CEP170: variants seen among roughly 807,000 people sequenced by gnomAD.
CEP170 encodes centrosomal protein 170, also known as centrosomal protein of 170 kDa.
In CEP170, 21 loss-of-function variants were observed where a neutral mutation model predicts 151.9. The ratio of observed to expected loss-of-function variants is 0.14; its 90% CI spans 0.10 to 0.20. The LOEUF is 0.20. Among genes scored for constraint, CEP170 ranks in the 10% least tolerant of loss-of-function variants. The pLI, the probability that CEP170 is intolerant of heterozygous loss-of-function variation, is 1.00. For missense variants in CEP170, 964 were observed against 1,892.9 expected, an observed-to-expected ratio of 0.51 and a Z score of 9.11; for synonymous variants, 356 against 648.8, an observed-to-expected ratio of 0.55 and a Z score of 6.86.
rs764219983 is a variant in CEP170, at chr1:243,225,249, C to T, written c.32G>A (p.Ser11Asn). 1.7e-5 allele frequency: 27 copies of T among 1,596,096 alleles called. No individual in the cohort carries two copies. Among genetic ancestry groups the T allele is most frequent in the Non-Finnish European group, 2.3e-5 (27 of 1,172,218 alleles). The change falls in exon 2 of 20, where the codon AGT becomes AAT. Residue 11 changes from serine to asparagine, a missense_variant. Physicochemically the swap from Ser to Asn is conservative, Grantham distance 46. Coordinates refer to ENST00000366542, the MANE Select transcript of CEP170 (RefSeq NM_014812.3). MSLTSWFLVS[S>N]GGTRHRLPRE... is the part of the protein sequence containing the mutation. ...TGGCAGCCTGTGGCGAGTGCCTCCA[C>T]TGCTCACCAAAAACCAGGATGTTAA...
chr1:243,166,698 T>C (rs1314812708), intron 12 of CEP170: 2 of 152,292 alleles, frequency 1.3e-5, no homozygotes, highest in African/African-American at 2.4e-5. Context: ...TTGTATGAGA[T>C]GAAAATTAGA....
chr1:243,149,868 G>A (rs866181677), intron 14 of CEP170, among the ~76,000 whole-genome samples: 1 of 151,842 alleles, frequency 6.6e-6, no homozygotes, highest in Non-Finnish European at 1.5e-5. Flanking sequence ...AAAGCACAAA[G>A]CTTTTAATAA....
chr1:243,175,674 C>T (rs2059182382), intron 10 of CEP170, among the ~76,000 whole-genome samples: 1 of 152,198 alleles, frequency 6.6e-6, no homozygotes, highest in Non-Finnish European at 1.5e-5. Flanking sequence ...GTTCTCTCAC[C>T]TTTCATTTTA....
At chr1:243,174,814 A>G (rs549910351) in intron 10 of CEP170, among the ~76,000 whole-genome samples, 33 of 152,376 alleles carry the variant, frequency 2.2e-4, no homozygotes, top group African/African-American at 7.9e-4. Flanking sequence ...AAACCAGAGT[A>G]TAACCTGTGT....
intron 1 of CEP170, among the ~76,000 whole-genome samples, chr1:243,238,816 T>C (rs182468386): frequency 1.1e-3 from 166 of 152,370 alleles, no homozygotes; most frequent in Middle Eastern, 0.01. Context: ...CGGTTCATGG[T>C]TGAAAATGTC....
At chr1:243,141,840 TTATGTG>T (rs2055869972) in intron 15 of CEP170, among the ~76,000 whole-genome samples, 1 of 152,226 alleles carries the variant, frequency 6.6e-6, no homozygotes, top group African/African-American at 2.4e-5. Flanking sequence ...CAAAATATCT[TTATGTG>T]TATGTGTTTG....
rs145444307 is a variant in CEP170 at position 243,237,937 on chromosome 1, AAGT to A, written c.-41-12619_-41-12617del. Among the ~76,000 whole-genome samples, 1,054 of 152,278 alleles carry A rather than the reference AAGT, an allele frequency of 6.9e-3. 12 individuals are homozygous for A. Among genetic ancestry groups the A allele is most frequent in the African/African-American group, 0.024 (1,017 of 41,550 alleles). On this transcript the variant is annotated intron_variant, in intron 1 of 19. Coordinates refer to ENST00000366542, the MANE Select transcript of CEP170 (RefSeq NM_014812.3). The stretch of plus-strand genomic sequence containing the variant: ...ACAGCATCATTATGACTTTCATACA[AAGT>A]AGTAAATTATATAAACAATCGGGTC...
chr1:243,150,245 A>G (rs2056934016), intron 14 of CEP170, among the ~76,000 whole-genome samples: 1 of 152,066 alleles, frequency 6.6e-6, no homozygotes, highest in South Asian at 2.1e-4. Context: ...CCGCTTCCCA[A>G]GTTTCAACGA....
rs572096976 is a variant in CEP170, at chr1:243,225,992, T to TAC, written c.-41-673_-41-672dup. Among the ~76,000 whole-genome samples, 350 of 147,866 alleles carry TAC rather than the reference T, an allele frequency of 2.4e-3. 1 individual carries two copies. Among genetic ancestry groups the TAC allele is most frequent in the African/African-American group, 8.4e-3 (337 of 40,236 alleles). On this transcript the variant is annotated intron_variant, in intron 1 of 19. Coordinates refer to ENST00000366542, the MANE Select transcript of CEP170 (RefSeq NM_014812.3). ...ATATCTATCTATCTATCTATATATA[T>TAC]ACACGTATATATATCTAGATATATA...
At chr1:243,144,721 TGTATTAAAATGA>T (rs1025604121) in intron 14 of CEP170, among the ~76,000 whole-genome samples, 1 of 152,194 alleles carries the variant, frequency 6.6e-6, no homozygotes, top group African/African-American at 2.4e-5. Context: ...TAGTAAAATA[TGTATTAAAATGA>T]GCAATTCTTA....
rs996440587 is a variant in CEP170 at position 243,244,310 on chromosome 1, A to G, written c.-42+10730T>C. 2.0e-5 allele frequency among the ~76,000 whole-genome samples: 3 copies of G among 152,088 alleles called. No individual in the cohort carries two copies. The East Asian group carries it at 5.8e-4, about 29-fold the overall frequency. ...GAGAATTTTCATTACAAAAAAAAGA[A>G]AAAAATCTAGAATAACCCCCCTGCC... On this transcript the variant is annotated intron_variant, in intron 1 of 19. Transcript: ENST00000366542.
At chr1:243,139,129 TCTCA>T (rs2055508195) in intron 16 of CEP170, among the ~76,000 whole-genome samples, 1 of 150,728 alleles carries the variant, frequency 6.6e-6, no homozygotes, top group African/African-American at 2.4e-5. Flanking sequence ...GGAGACAGAG[TCTCA>T]CTCTGTCACC....
chr1:243,139,850 C>G, intron 16 of CEP170, 87 bp downstream of exon 16: 1 of 1,427,254 alleles, frequency 7.0e-7, no homozygotes, highest in East Asian at 2.4e-5. Context: ...CACTTTTTCC[C>G]CAGCCCTACT....
intron 1 of CEP170, among the ~76,000 whole-genome samples, chr1:243,229,552 G>A (rs1343472717): frequency 6.6e-6 from 1 of 152,150 alleles, no homozygotes; most frequent in African/African-American, 2.4e-5. Context: ...CATCTTTCAT[G>A]GTAGCAGCTA....
chr1:243,152,563 G>C (rs1435418897), intron 14 of CEP170, among the ~76,000 whole-genome samples: 1 of 99,098 alleles, frequency 1.0e-5, no homozygotes, highest in Non-Finnish European at 1.8e-5. Flanking sequence ...ATAGAGTCTC[G>C]CTCTGTCACC....
chr1:243,246,577 T>G (rs896675015), intron 1 of CEP170, among the ~76,000 whole-genome samples: 1 of 152,136 alleles, frequency 6.6e-6, no homozygotes, highest in Admixed American at 6.6e-5. Flanking sequence ...ATAAATTGTG[T>G]GTAAGTAGAT....
At chr1:243,147,197 A>T (rs1020725313) in intron 14 of CEP170, among the ~76,000 whole-genome samples, 3 of 152,242 alleles carry the variant, frequency 2.0e-5, no homozygotes, top group African/African-American at 4.8e-5. Context: ...CTATAATTTT[A>T]AAAAATGTAC....
chr1:243,159,101 C>T (rs1044652611), intron 13 of CEP170, among the ~76,000 whole-genome samples: 3 of 151,976 alleles, frequency 2.0e-5, no homozygotes, highest in Non-Finnish European at 4.4e-5. Flanking sequence ...AAAAATCAAA[C>T]GAATACAGCA....
chr1:243,134,718 T>C (rs1360607857), intron 17 of CEP170, among the ~76,000 whole-genome samples: 2 of 151,316 alleles, frequency 1.3e-5, no homozygotes, highest in Non-Finnish European at 2.9e-5. Flanking sequence ...GGTCTTCAAG[T>C]CCTAGGCTCA....
Sources: allele counts gnomAD v4.1 joint callset (sites outside exome capture counted in the v4.1 genomes callset), GRCh38; gene constraint gnomAD v4.1.1; transcripts MANE v1.5; gene names NCBI Gene and HGNC (gene_info 2026-07-23, HGNC 2026-07-21).